Variants in KCTD8 observed in about 807,000 individuals in gnomAD.
KCTD8 encodes potassium channel tetramerization domain containing 8, also known as BTB/POZ domain-containing protein KCTD8.
In KCTD8, 27 loss-of-function variants were observed where a neutral mutation model predicts 31.5. The observed-to-expected ratio is 0.86, with a 90% CI of 0.63 to 1.18. The LOEUF is 1.18. Ranked by LOEUF, KCTD8 falls within the 50% of genes most tolerant of loss-of-function variation. The probability of loss-of-function intolerance (pLI) is 0.00; values close to 1 mark genes in which losing one functional copy is unlikely to be tolerated. For missense variants in KCTD8, 658 were observed against 647.7 expected (o/e 1.02, Z -0.17); for synonymous variants, 290 against 280.0 (o/e 1.04, Z -0.36).
intron 1 of KCTD8, among the ~76,000 whole-genome samples, chr4:44,346,015 C>T (rs10517102): frequency 0.4 from 60,304 of 151,752 alleles, 12,264 homozygotes; most frequent in Middle Eastern, 0.49. Context: ...CTAGTTAAAG[C>T]GTTCATAATT....
chr4:44,306,559 G>A (rs1717811566), intron 1 of KCTD8, among the ~76,000 whole-genome samples: 1 of 151,942 alleles, frequency 6.6e-6, no homozygotes, highest in African/African-American at 2.4e-5. Context: ...AAATTAAAAA[G>A]CAAACATACA....
In KCTD8 at chr4:44,379,585, C is replaced by T. The variant is rs1720007622; in HGVS notation, c.961+67978G>A. 2.6e-5 allele frequency among the ~76,000 whole-genome samples: 4 copies of T among 152,138 alleles called. No individual in the cohort carries two copies. In the South Asian group the frequency reaches 8.3e-4, roughly 32 times the overall value. ...ATGTGTGTGTGGTTAAGCACACATG[C>T]ACATATGCATGAAAGGGAGAAAAGA... On this transcript the variant is annotated intron_variant, in intron 1 of 1. Coordinates refer to ENST00000360029, the MANE Select transcript of KCTD8 (RefSeq NM_198353.3).
intron 1 of KCTD8, among the ~76,000 whole-genome samples, chr4:44,292,027 TG>T (rs1314116573): frequency 6.6e-6 from 1 of 150,628 alleles, no homozygotes; most frequent in Non-Finnish European, 1.5e-5. Flanking sequence ...TATACACTCT[TG>T]GTGGGAATAT....
At chr4:44,439,211 G>A (rs375162366) in intron 1 of KCTD8, among the ~76,000 whole-genome samples, 1 of 152,108 alleles carries the variant, frequency 6.6e-6, no homozygotes, top group East Asian at 1.9e-4. Context: ...CTATTCTCAA[G>A]ATTTTTGATA....
At chr4:44,347,386 C>G (rs534287525) in intron 1 of KCTD8, among the ~76,000 whole-genome samples, 15 of 152,246 alleles carry the variant, frequency 9.9e-5, no homozygotes, top group East Asian at 3.9e-4. Flanking sequence ...AGTGACTCAG[C>G]TTTCACTGGC....
At chr4:44,407,985 A>G (rs1206312920) in intron 1 of KCTD8, among the ~76,000 whole-genome samples, 1 of 152,050 alleles carries the variant, frequency 6.6e-6, no homozygotes, top group Non-Finnish European at 1.5e-5. Context: ...CATCTTCCAG[A>G]GCTTACTAAG....
intron 1 of KCTD8, among the ~76,000 whole-genome samples, chr4:44,422,045 T>A (rs1031431728): frequency 6.6e-6 from 1 of 152,244 alleles, no homozygotes; most frequent in South Asian, 2.1e-4. Context: ...CTTTCTACAT[T>A]TCTATACTTA....
chr4:44,435,010 T>C (rs190251153), intron 1 of KCTD8, among the ~76,000 whole-genome samples: 60 of 152,008 alleles, frequency 3.9e-4, no homozygotes, highest in African/African-American at 1.4e-3. Flanking sequence ...CATACTCCAA[T>C]GACAGGAGAA....
chr4:44,327,151 C>T (rs1718462032), intron 1 of KCTD8, among the ~76,000 whole-genome samples: 1 of 151,754 alleles, frequency 6.6e-6, no homozygotes, highest in South Asian at 2.1e-4. Flanking sequence ...GGTCAAAAGA[C>T]ATTCTTCTTT....
At chr4:44,411,575 T>A (rs367593752) in intron 1 of KCTD8, among the ~76,000 whole-genome samples, 12 of 152,202 alleles carry the variant, frequency 7.9e-5, no homozygotes, top group Middle Eastern at 6.8e-3. Flanking sequence ...GTTGAAGAAT[T>A]TTGTCTCCCC....
intron 1 of KCTD8, among the ~76,000 whole-genome samples, chr4:44,201,166 A>G (rs1171156965): frequency 6.6e-6 from 1 of 152,146 alleles, no homozygotes; most frequent in East Asian, 1.9e-4. Context: ...AGATGACACA[A>G]ATAAATGGAT....
At chr4:44,231,560 T>G (rs966194752) in intron 1 of KCTD8, among the ~76,000 whole-genome samples, 18 of 152,318 alleles carry the variant, frequency 1.2e-4, no homozygotes, top group Admixed American at 7.9e-4. Context: ...CTAAGTTACA[T>G]GGGAGCAAAA....
At chr4:44,355,043 A>C (rs1719306564) in intron 1 of KCTD8, among the ~76,000 whole-genome samples, 1 of 152,172 alleles carries the variant, frequency 6.6e-6, no homozygotes, top group East Asian at 1.9e-4. Context: ...GTCTTATATA[A>C]TTGTTGTATT....
chr4:44,263,647 T>C (rs911268413), intron 1 of KCTD8, among the ~76,000 whole-genome samples: 5 of 152,100 alleles, frequency 3.3e-5, no homozygotes, highest in Non-Finnish European at 5.9e-5. Context: ...ATACCAATTT[T>C]GGAAAAAAAT....
At chr4:44,411,745 GGAA>G (rs985581303) in intron 1 of KCTD8, among the ~76,000 whole-genome samples, 1 of 151,996 alleles carries the variant, frequency 6.6e-6, no homozygotes, top group Non-Finnish European at 1.5e-5. Context: ...AGAGAGATAA[GGAA>G]GAAGAATGCC....
At chr4:44,183,285 T>C (rs1713481492) in intron 1 of KCTD8, among the ~76,000 whole-genome samples, 1 of 152,228 alleles carries the variant, frequency 6.6e-6, no homozygotes, top group Non-Finnish European at 1.5e-5. Context: ...ACTATTAGTT[T>C]ATAGTCAAGA....
In KCTD8 at chr4:44,173,904, T is replaced by G. The variant is rs1467255524; in HGVS notation, c.*886A>C. The G allele has an allele frequency of 1.3e-5, 2 of 152,152 alleles. No individual in the cohort carries two copies. Among genetic ancestry groups the G allele is most frequent in the African/African-American group, 2.4e-5 (1 of 41,450 alleles). The allele number at this position is 152,152 out of a possible 1,614,324, so 9.4% of individuals were successfully genotyped here. A position where few individuals can be genotyped will look rare whatever the true frequency, so the allele number is the denominator to read the frequency against. On this transcript the variant is annotated 3_prime_UTR_variant, in exon 2 of 2. Coordinates refer to ENST00000360029, the MANE Select transcript of KCTD8 (RefSeq NM_198353.3). The stretch of plus-strand genomic sequence containing the variant: ...GAAGAGTCAATAGAAATCAAGAAAT[T>G]CTAATACATTTTTCTTTTTTTAATA...
intron 1 of KCTD8, among the ~76,000 whole-genome samples, chr4:44,229,820 T>C (rs1226050828): frequency 7.0e-6 from 1 of 143,610 alleles, no homozygotes; most frequent in Non-Finnish European, 1.5e-5. Context: ...TTAAGGATTT[T>C]TTTTTCTTTT....
intron 1 of KCTD8, among the ~76,000 whole-genome samples, chr4:44,273,984 T>C (rs185654540): frequency 3.9e-5 from 6 of 152,048 alleles, no homozygotes; most frequent in Non-Finnish European, 2.9e-5. Context: ...TGAAATCATG[T>C]AAATATTCAA....
Sources: gnomAD v4.1 joint callset for allele counts (sites outside exome capture counted in the v4.1 genomes callset) on GRCh38, gnomAD v4.1.1 for gene constraint, MANE v1.5 for transcripts, NCBI Gene and HGNC (gene_info 2026-07-23, HGNC 2026-07-21) for gene names.